CD226: variants seen among roughly 807,000 people sequenced by gnomAD.
The protein encoded by CD226 is CD226 molecule.
Under a neutral mutation model 34.9 loss-of-function variants are expected in CD226, and 24 were observed. The ratio of observed to expected loss-of-function variants is 0.69; its 90% CI spans 0.50 to 0.97. The LOEUF (loss-of-function observed/expected upper bound fraction) is 0.97, where lower values mean the gene tolerates loss of function less well. Among genes scored for constraint, CD226 ranks in the 50% least tolerant of loss-of-function variants. The pLI is 0.00. For synonymous variants in CD226, 148 were observed against 147.4 expected, an observed-to-expected ratio of 1.00 and a Z score of -0.03; for missense variants, 397 against 412.7, an observed-to-expected ratio of 0.96 and a Z score of 0.33.
At chr18:69,895,270 AC>A (rs1555679955) in intron 3 of CD226, among the ~76,000 whole-genome samples, 2 of 152,162 alleles carry the variant, frequency 1.3e-5, no homozygotes, top group Non-Finnish European at 2.9e-5. Context: ...AATGCACTCA[AC>A]GCAGCCCTGC....
At chr18:69,876,305 A>G (rs985440663) in intron 3 of CD226, among the ~76,000 whole-genome samples, 3 of 152,248 alleles carry the variant, frequency 2.0e-5, no homozygotes, top group African/African-American at 7.2e-5. Context: ...TTAACAATTA[A>G]GATGGCTTTC....
intron 2 of CD226, among the ~76,000 whole-genome samples, chr18:69,896,512 T>TTTTTCTG (rs1287812719): frequency 6.6e-6 from 1 of 152,134 alleles, no homozygotes; most frequent in Admixed American, 6.5e-5. Flanking sequence ...GAGAAAGGGT[T>TTTTTCTG]TTTTTTGTTT....
chr18:69,918,704 G>C (rs1251294867), intron 2 of CD226, among the ~76,000 whole-genome samples: 1 of 152,214 alleles, frequency 6.6e-6, no homozygotes, highest in East Asian at 1.9e-4. Flanking sequence ...TGTGAGCTCT[G>C]TGCAGGGACA....
chr18:69,938,659 TA>T (rs2055685037), intron 2 of CD226, among the ~76,000 whole-genome samples: 2 of 152,218 alleles, frequency 1.3e-5, no homozygotes, highest in Non-Finnish European at 2.9e-5. Flanking sequence ...CCTTGGATCA[TA>T]AAAATTTGAA....
rs967677317 is a variant in CD226, at chr18:69,855,198, T to C, written c.*9116A>G. 8.6e-5 allele frequency: 13 copies of C among 151,856 alleles called. No individual in the cohort carries two copies. Among genetic ancestry groups the C allele is most frequent in the South Asian group, 2.1e-4 (1 of 4,814 alleles). 9.4% of individuals were successfully genotyped at this position (151,856 alleles called of 1,614,324 possible). A position where few individuals can be genotyped will look rare whatever the true frequency, so the allele number is the denominator to read the frequency against. ...AGATAAAGCAATCATTGGAACCAGA[T>C]AGAGACATGACACGTGTCAGAATTA... On this transcript the variant is annotated 3_prime_UTR_variant, in exon 6 of 6. Coordinates refer to ENST00000582621, the MANE Select transcript of CD226 (RefSeq NM_001303618.2).
At chr18:69,900,647 G>A (rs1358280375) in intron 2 of CD226, among the ~76,000 whole-genome samples, 1 of 149,588 alleles carries the variant, frequency 6.7e-6, no homozygotes, top group African/African-American at 2.5e-5. Flanking sequence ...CAGGAGAATG[G>A]CGTGAACCCG....
At chr18:69,926,028 A>G (rs2055517210) in intron 2 of CD226, among the ~76,000 whole-genome samples, 1 of 152,032 alleles carries the variant, frequency 6.6e-6, no homozygotes, top group Non-Finnish European at 1.5e-5. Flanking sequence ...CTGCAATCCA[A>G]GCTACTCGGG....
At chr18:69,951,840 TACA>T (rs1374980351), upstream of CD226, among the ~76,000 whole-genome samples, 13 of 152,268 alleles carry the variant, frequency 8.5e-5, no homozygotes, top group East Asian at 2.1e-3. Context: ...TGTAAATTAG[TACA>T]ACGTCTATGG....
chr18:69,959,704 T>C (rs11151549), upstream of CD226, among the ~76,000 whole-genome samples: 556 of 152,324 alleles, frequency 3.7e-3, 2 homozygotes, highest in African/African-American at 0.012. Context: ...TGGAGACAAT[T>C]GTTAATAGAT....
intron 2 of CD226, among the ~76,000 whole-genome samples, chr18:69,926,292 C>A (rs1471272375): frequency 2.0e-5 from 3 of 151,974 alleles, no homozygotes; most frequent in Non-Finnish European, 2.9e-5. Flanking sequence ...TATTTCTTCT[C>A]GGGACCTTTG....
At chr18:69,883,231 G>A (rs1016611941) in intron 3 of CD226, among the ~76,000 whole-genome samples, 1 of 152,104 alleles carries the variant, frequency 6.6e-6, no homozygotes, top group African/African-American at 2.4e-5. Flanking sequence ...CTGGCTTCCT[G>A]TCATAACAGA....
At chr18:69,940,039 G>A (rs951296476) in intron 2 of CD226, among the ~76,000 whole-genome samples, 18 of 152,178 alleles carry the variant, frequency 1.2e-4, no homozygotes, top group African/African-American at 3.9e-4. Flanking sequence ...ACTGAATCAT[G>A]GGGGTGGTTT....
chr18:69,959,602 T>C (rs1214500223), upstream of CD226, among the ~76,000 whole-genome samples: 2 of 151,732 alleles, frequency 1.3e-5, no homozygotes, highest in African/African-American at 4.8e-5. Flanking sequence ...GACCCGAGTT[T>C]CTCTTTATAG....
At chr18:69,951,338 A>T (rs918881416), upstream of CD226, among the ~76,000 whole-genome samples, 4 of 152,154 alleles carry the variant, frequency 2.6e-5, no homozygotes, top group African/African-American at 9.7e-5. Context: ...TTGGCCCATC[A>T]GAGTGAAGGA....
chr18:69,856,138 T>A lies in CD226; in HGVS notation c.*8176A>T, dbSNP rs1434342960. The A allele has an allele frequency of 1.3e-5, 2 of 152,220 alleles. No individual in the cohort carries two copies. The highest frequency in any genetic ancestry group is 2.1e-4 in the South Asian group (1 of 4,824). 9.4% of individuals were successfully genotyped at this position (152,220 alleles called of 1,614,324 possible). A position where few individuals can be genotyped will look rare whatever the true frequency, so the allele number is the denominator to read the frequency against. Reference sequence around the variant, plus strand: ...ATGTGAGATGCTAATGTTAATTTTTTAAAAAACTGAAAGTTATGTTAATAT... The same window carrying A: ...ATGTGAGATGCTAATGTTAATTTTTAAAAAAACTGAAAGTTATGTTAATAT... On this transcript the variant is annotated 3_prime_UTR_variant, in exon 6 of 6. Transcript: ENST00000582621.
chr18:69,903,687 T>C (rs1180557774), intron 2 of CD226, among the ~76,000 whole-genome samples: 1 of 151,972 alleles, frequency 6.6e-6, no homozygotes, highest in Non-Finnish European at 1.5e-5. Flanking sequence ...CATGTGAAGA[T>C]GAATGCAGAG....
At chr18:69,910,768 T>C (rs1289611364) in intron 2 of CD226, among the ~76,000 whole-genome samples, 2 of 152,210 alleles carry the variant, frequency 1.3e-5, no homozygotes, top group African/African-American at 4.8e-5. Context: ...ATGGAAACTA[T>C]CTGTACTAGT....
chr18:69,877,307 T>C (rs774845230), intron 3 of CD226, among the ~76,000 whole-genome samples: 3 of 152,134 alleles, frequency 2.0e-5, no homozygotes, highest in Non-Finnish European at 4.4e-5. Context: ...TTGCAAGGGA[T>C]ACAGATGAAG....
intron 5 of CD226, among the ~76,000 whole-genome samples, chr18:69,865,556 C>T (rs1440447778): frequency 6.6e-6 from 1 of 151,906 alleles, no homozygotes; most frequent in African/African-American, 2.4e-5. Flanking sequence ...TAGACAAAGG[C>T]TAAGGATGAA....
Sources: gnomAD v4.1 joint callset for allele counts (sites outside exome capture counted in the v4.1 genomes callset) on GRCh38, gnomAD v4.1.1 for gene constraint, MANE v1.5 for transcripts, NCBI Gene and HGNC (gene_info 2026-07-23, HGNC 2026-07-21) for gene names.